ARHGEF9: variants seen among roughly 807,000 people sequenced by gnomAD.
ARHGEF9 encodes the protein Cdc42 guanine nucleotide exchange factor 9.
Under a neutral mutation model 41.3 loss-of-function variants are expected in ARHGEF9, and 2 were observed. The ratio of observed to expected loss-of-function variants is 0.05; its 90% CI spans 0.02 to 0.15. The LOEUF is 0.15. Among genes scored for constraint, ARHGEF9 ranks in the 10% least tolerant of loss-of-function variants. The pLI is 1.00. For missense variants in ARHGEF9, 225 were observed against 424.7 expected (o/e 0.53, Z 4.13); for synonymous variants, 160 against 154.4 (o/e 1.04, Z -0.27).
chrX:63,746,444 T>A (rs2055281062), intron 1 of ARHGEF9, among the ~76,000 whole-genome samples: 1 of 111,667 alleles, frequency 9.0e-6, no homozygotes, highest in African/African-American at 3.3e-5. Flanking sequence ...GACTGCATCC[T>A]GACCACAGAG....
chrX:63,675,299 C>A (rs782607443), intron 5 of ARHGEF9, among the ~76,000 whole-genome samples: 1 of 112,076 alleles, frequency 8.9e-6, no homozygotes, highest in South Asian at 3.7e-4. Context: ...TATAGACCAC[C>A]TTATCATCTC....
chrX:63,772,829 T>C (rs1201806970), intron 1 of ARHGEF9, among the ~76,000 whole-genome samples: 3 of 111,796 alleles, frequency 2.7e-5, no homozygotes, highest in Admixed American at 9.5e-5. Flanking sequence ...GCCTTCTTTC[T>C]GTCTCTCAAG....
chrX:63,772,652 A>G (rs1164872343), intron 1 of ARHGEF9, among the ~76,000 whole-genome samples: 3 of 111,564 alleles, frequency 2.7e-5, no homozygotes, highest in Non-Finnish European at 5.6e-5. Context: ...CCCAGGGAGT[A>G]TGGTTTCAGA....
intron 1 of ARHGEF9, among the ~76,000 whole-genome samples, chrX:63,739,739 CTA>C (rs2054837328): frequency 8.9e-6 from 1 of 112,313 alleles, no homozygotes; most frequent in African/African-American, 3.2e-5. Flanking sequence ...TACCTCCAAA[CTA>C]TGTGTAATTA....
intron 3 of ARHGEF9, among the ~76,000 whole-genome samples, chrX:63,697,865 T>C (rs1407395619): frequency 8.9e-6 from 1 of 111,857 alleles, no homozygotes; most frequent in East Asian, 2.8e-4. Flanking sequence ...CTTTCCCTGT[T>C]GTGTACATCA....
At chrX:63,754,877 G>A in intron 1 of ARHGEF9, 1 of 939,490 alleles carries the variant, frequency 1.1e-6, no homozygotes, top group Non-Finnish European at 1.3e-6. Flanking sequence ...GGGCGCCACG[G>A]GAAAGGCAAA....
chrX:63,646,711 G>A (rs1455307871), intron 8 of ARHGEF9, among the ~76,000 whole-genome samples: 6 of 109,550 alleles, frequency 5.5e-5, no homozygotes, highest in African/African-American at 1.0e-4. Flanking sequence ...TTGGCAATGC[G>A]GGCTCTTTTT....
chrX:63,695,158 A>G (rs1312516409), intron 4 of ARHGEF9, among the ~76,000 whole-genome samples: 1 of 112,021 alleles, frequency 8.9e-6, no homozygotes, highest in Non-Finnish European at 1.9e-5. Context: ...ACTGGGTAGC[A>G]AGGCATTGCT....
At chrX:63,733,784 A>G (rs782443720) in intron 1 of ARHGEF9, among the ~76,000 whole-genome samples, 62 of 112,245 alleles carry the variant, frequency 5.5e-4, no homozygotes, top group Non-Finnish European at 8.8e-4. Flanking sequence ...AGGTAGGCCT[A>G]GATGGGGTCA....
intron 4 of ARHGEF9, among the ~76,000 whole-genome samples, chrX:63,696,516 C>G (rs1556388207): frequency 9.0e-6 from 1 of 111,731 alleles, no homozygotes; most frequent in East Asian, 2.8e-4. Context: ...CCTCGAAGTC[C>G]ATGTGTTCTT....
chrX:63,759,063 T>C (rs1435787172), intron 1 of ARHGEF9, among the ~76,000 whole-genome samples: 1 of 111,330 alleles, frequency 9.0e-6, no homozygotes, highest in African/African-American at 3.3e-5. Context: ...TCTAAGCCCT[T>C]ATATTCCAGG....
chrX:63,680,752 C>A (rs563703284), intron 4 of ARHGEF9, among the ~76,000 whole-genome samples: 3 of 111,874 alleles, frequency 2.7e-5, no homozygotes, highest in African/African-American at 9.7e-5. Context: ...GCTTTTCCTG[C>A]TGAGAAAACC....
At chrX:63,721,344 G>A (rs782642239) in intron 2 of ARHGEF9, among the ~76,000 whole-genome samples, 5 of 110,903 alleles carry the variant, frequency 4.5e-5, no homozygotes, top group Non-Finnish European at 9.4e-5. Context: ...CTTCCAAGCA[G>A]GCCAGAAACC....
chrX:63,653,202 C>T (rs1344503595), intron 8 of ARHGEF9, among the ~76,000 whole-genome samples: 1 of 111,353 alleles, frequency 9.0e-6, no homozygotes, highest in Non-Finnish European at 1.9e-5. Context: ...AAAAGTAGAG[C>T]CTAGGTCTCA....
chrX:63,733,249 G>A (rs1485282251), intron 1 of ARHGEF9, among the ~76,000 whole-genome samples: 2 of 111,791 alleles, frequency 1.8e-5, no homozygotes, highest in East Asian at 5.6e-4. Context: ...AATTTATGGG[G>A]CCAAGGAAAT....
Position 63,706,369 on chromosome X carries a change from G to A in ARHGEF9, c.291C>T (p.Cys97=). The A allele has an allele frequency of 8.3e-7, 1 of 1,206,556 alleles. No individual in the cohort carries two copies. Among genetic ancestry groups the A allele is most frequent in the Non-Finnish European group, 1.1e-6 (1 of 893,046 alleles). ...TCTGTAGTGGCCGCCCCAGACAGAG[G>A]CAGTCTGAATTGGGGTCCAGGTGTC... ...QNGHLDPNSD[C]LCLGRPLQNR... is the part of the protein sequence containing the mutation. Residue 97 remains cysteine (C), a synonymous_variant, in exon 3 of 10, where the codon TGC becomes TGT. Coordinates refer to ENST00000671741, the MANE Select transcript of ARHGEF9 (RefSeq NM_001353921.2).
At chrX:63,775,502 C>T (rs1556457812) in intron 1 of ARHGEF9, among the ~76,000 whole-genome samples, 1 of 111,986 alleles carries the variant, frequency 8.9e-6, no homozygotes, top group African/African-American at 3.2e-5. Context: ...GCCATAAAAA[C>T]GCGAGAACAT....
intron 1 of ARHGEF9, among the ~76,000 whole-genome samples, chrX:63,768,765 T>C (rs1436642066): frequency 1.8e-5 from 2 of 111,904 alleles, no homozygotes; most frequent in Non-Finnish European, 3.8e-5. Flanking sequence ...ACATTTGGCA[T>C]TTCCCCTGCT....
intron 2 of ARHGEF9, chrX:63,722,937 C>A (rs1226377013): frequency 6.3e-5 from 7 of 111,632 alleles, no homozygotes; most frequent in Non-Finnish European, 1.3e-4. Flanking sequence ...TTAGAAGATT[C>A]TCATGATAGA....
Sources: gnomAD v4.1 joint callset for allele counts (sites outside exome capture counted in the v4.1 genomes callset) on GRCh38, gnomAD v4.1.1 for gene constraint, MANE v1.5 for transcripts, NCBI Gene and HGNC (gene_info 2026-07-23, HGNC 2026-07-21) for gene names.